The following LARGE1 variants were observed in gnomAD, a reference collection of about 807,000 sequenced individuals.
The protein encoded by LARGE1 is LARGE xylosyl- and glucuronyltransferase 1, also known as xylosyl- and glucuronyltransferase LARGE1.
Under a neutral mutation model 87.6 loss-of-function variants are expected in LARGE1, and 43 were observed. That is an observed-to-expected ratio of 0.49 (90% CI 0.38 to 0.63). The LOEUF (loss-of-function observed/expected upper bound fraction) is 0.63. LARGE1 is among the 30% of genes least tolerant of loss of function. The pLI, the probability that LARGE1 is intolerant of heterozygous loss-of-function variation, is 0.00. For missense variants in LARGE1, 802 were observed against 1,000.2 expected, an observed-to-expected ratio of 0.80 and a Z score of 2.67; for synonymous variants, 434 against 394.6, an observed-to-expected ratio of 1.10 and a Z score of -1.18.
rs1269526731 is a variant in LARGE1 at position 33,626,115 on chromosome 22, A to G, written c.491+129T>C. The G allele has an allele frequency of 7.6e-6, 6 of 785,166 alleles. No homozygotes were observed. In the Admixed American group the frequency reaches 8.0e-5, roughly 10 times the overall value. 48.6% of individuals were successfully genotyped at this position (785,166 alleles called of 1,614,324 possible). A position where few individuals can be genotyped will look rare whatever the true frequency, so the allele number is the denominator to read the frequency against. On this transcript the variant is annotated intron_variant, in intron 4 of 14. Transcript: ENST00000397394. ...CAATCATCTCCTCAGGGTTTCAGACAAAAATTACATTTTTATGGCAGCTAG... is the reference window on the plus strand; with the variant it reads ...CAATCATCTCCTCAGGGTTTCAGACGAAAATTACATTTTTATGGCAGCTAG...
At chr22:33,357,152 T>G (rs979156068) in intron 9 of LARGE1, among the ~76,000 whole-genome samples, 4 of 151,132 alleles carry the variant, frequency 2.6e-5, no homozygotes, top group East Asian at 1.9e-4. Flanking sequence ...AAAGAAAATG[T>G]GGAGTGTAGG....
intron 1 of LARGE1, among the ~76,000 whole-genome samples, chr22:33,831,100 CTT>C (rs5845117): frequency 3.6e-5 from 5 of 137,182 alleles, no homozygotes; most frequent in Admixed American, 7.3e-5. Context: ...TTTCTTTTTT[CTT>C]TTTTTTTTTT....
intron 14 of LARGE1, among the ~76,000 whole-genome samples, chr22:33,275,161 T>A (rs1428569555): frequency 6.6e-6 from 1 of 152,070 alleles, no homozygotes; most frequent in Non-Finnish European, 1.5e-5. Context: ...GGACCTAAGC[T>A]CACCAAGAAC....
chr22:33,357,940 C>T (rs1246117809), intron 9 of LARGE1, among the ~76,000 whole-genome samples: 2 of 152,030 alleles, frequency 1.3e-5, no homozygotes, highest in Non-Finnish European at 2.9e-5. Context: ...AGGAAAAGTT[C>T]CTAGTTTTTC....
At chr22:33,818,178 C>T (rs1354650058) in intron 1 of LARGE1, among the ~76,000 whole-genome samples, 1 of 152,220 alleles carries the variant, frequency 6.6e-6, no homozygotes, top group East Asian at 1.9e-4. Flanking sequence ...CTTCTTGAGA[C>T]TCACACCTTC....
chr22:33,761,524 G>T lies in LARGE1; in HGVS notation c.-48C>A. On this transcript the variant is annotated 5_prime_UTR_variant, in exon 2 of 15. Coordinates refer to ENST00000397394, the MANE Select transcript of LARGE1 (RefSeq NM_133642.5). ...AATCCCAGCGCCGTTTCTCTGTCCGGAGCATGAAGTCCTCGGCCTCCCTCA... is the reference window on the plus strand; with the variant it reads ...AATCCCAGCGCCGTTTCTCTGTCCGTAGCATGAAGTCCTCGGCCTCCCTCA... 1 of 1,453,536 alleles carries T rather than the reference G, an allele frequency of 6.9e-7. No individual in the cohort carries two copies. Among genetic ancestry groups the T allele is most frequent in the Non-Finnish European group, 9.7e-7 (1 of 1,034,380 alleles). The allele number at this position is 1,453,536 out of a possible 1,614,324, so 90.0% of individuals were successfully genotyped here.
chr22:33,892,423 A>C (rs1384994085), intron 1 of LARGE1, among the ~76,000 whole-genome samples: 1 of 152,200 alleles, frequency 6.6e-6, no homozygotes, highest in African/African-American at 2.4e-5. Context: ...ATAGGCTTAA[A>C]ACTGGCATAC....
At chr22:33,873,602 G>C (rs2064372043) in intron 1 of LARGE1, among the ~76,000 whole-genome samples, 2 of 152,128 alleles carry the variant, frequency 1.3e-5, no homozygotes, top group African/African-American at 4.8e-5. Context: ...CACAACCATA[G>C]AACCTGGGAA....
chr22:33,397,323 C>T (rs1463757974), intron 7 of LARGE1, among the ~76,000 whole-genome samples: 1 of 152,174 alleles, frequency 6.6e-6, no homozygotes, highest in Non-Finnish European at 1.5e-5. Flanking sequence ...CCATGTTGGT[C>T]AGGCTGGTCT....
At chr22:33,579,277 C>G (rs1022907438) in intron 5 of LARGE1, among the ~76,000 whole-genome samples, 13 of 152,344 alleles carry the variant, frequency 8.5e-5, no homozygotes, top group African/African-American at 2.4e-4. Flanking sequence ...CACAAGCTCT[C>G]TCTTTGCCTG....
At chr22:33,330,623 T>G (rs1937601565) in intron 10 of LARGE1, among the ~76,000 whole-genome samples, 2 of 152,190 alleles carry the variant, frequency 1.3e-5, no homozygotes, top group Admixed American at 1.3e-4. Flanking sequence ...CTTACTGCAC[T>G]ACATAAAGAA....
chr22:33,141,917 T>C, the LARGE1 span, among the ~76,000 whole-genome samples: 1 of 152,254 alleles, frequency 6.6e-6, no homozygotes, highest in Non-Finnish European at 1.5e-5. Context: ...ATTTTTTATA[T>C]TTGAATATCA....
intron 1 of LARGE1, among the ~76,000 whole-genome samples, chr22:33,819,243 T>C (rs1049965875): frequency 6.8e-6 from 1 of 146,646 alleles, no homozygotes; most frequent in African/African-American, 2.5e-5. Context: ...TCTCATTATG[T>C]CTTCTCCCAG....
intron 5 of LARGE1, among the ~76,000 whole-genome samples, chr22:33,598,824 C>T (rs1028215159): frequency 6.6e-6 from 1 of 152,162 alleles, no homozygotes. Context: ...AATAGAGCCA[C>T]AATAAACATA....
rs145415874 is a variant in LARGE1 at position 33,865,687 on chromosome 22, C to T, written c.-83+54308G>A. On this transcript the variant is annotated intron_variant, in intron 1 of 14. Coordinates refer to ENST00000397394, the MANE Select transcript of LARGE1 (RefSeq NM_133642.5). ...CATCCTTGGGGAGAATCCAGCTACA[C>T]TAGTATCTTGCCATAAAATCTTGAG... 1.1e-4 allele frequency among the ~76,000 whole-genome samples: 16 copies of T among 152,128 alleles called. No individual in the cohort carries two copies. In the East Asian group the frequency reaches 3.1e-3, roughly 29 times the overall value.
At chr22:33,727,083 C>CT (rs2083294108) in intron 2 of LARGE1, among the ~76,000 whole-genome samples, 1 of 152,162 alleles carries the variant, frequency 6.6e-6, no homozygotes, top group African/African-American at 2.4e-5. Flanking sequence ...ACAAGGCTCC[C>CT]TGAAGGTCAA....
intron 6 of LARGE1, among the ~76,000 whole-genome samples, chr22:33,509,352 C>G (rs1334703003): frequency 1.3e-5 from 2 of 152,166 alleles, no homozygotes; most frequent in Admixed American, 1.3e-4. Context: ...AAAATGGAGG[C>G]AGTGCAACAA....
At chr22:33,335,400 T>C (rs1449058252) in intron 10 of LARGE1, among the ~76,000 whole-genome samples, 1 of 152,116 alleles carries the variant, frequency 6.6e-6, no homozygotes, top group Non-Finnish European at 1.5e-5. Context: ...CGATCCACTG[T>C]GACTTGGGGA....
chr22:33,744,345 G>C (rs554065446), intron 2 of LARGE1: 1 of 152,344 alleles, frequency 6.6e-6, no homozygotes, highest in Admixed American at 6.5e-5. Flanking sequence ...GGAACAGACA[G>C]GTTTCAAACC....
Sources: gnomAD v4.1 joint callset for allele counts (sites outside exome capture counted in the v4.1 genomes callset) on GRCh38, gnomAD v4.1.1 for gene constraint, MANE v1.5 for transcripts, NCBI Gene and HGNC (gene_info 2026-07-23, HGNC 2026-07-21) for gene names.